Variants in ARL15 observed in about 807,000 individuals in gnomAD.
The protein encoded by ARL15 is ARF like GTPase 15.
In ARL15, 19 loss-of-function variants were observed where a neutral mutation model predicts 25.2. That is an observed-to-expected ratio of 0.75 (90% CI 0.53 to 1.10). The LOEUF is 1.10. Ranked by LOEUF, ARL15 falls within the 50% of genes least tolerant of loss-of-function variation. The probability of loss-of-function intolerance (pLI) is 0.00; values close to 1 mark genes in which losing one functional copy is unlikely to be tolerated. For missense variants in ARL15, 220 were observed against 246.0 expected (o/e 0.89, Z 0.71); for synonymous variants, 94 against 86.8 (o/e 1.08, Z -0.46).
intron 1 of ARL15, among the ~76,000 whole-genome samples, chr5:54,198,465 A>C (rs942787041): frequency 2.0e-5 from 3 of 150,268 alleles, no homozygotes; most frequent in Non-Finnish European, 3.0e-5. Flanking sequence ...ATACAAAATC[A>C]ATGTACAAAA....
chr5:54,136,281 T>A (rs908288093), intron 3 of ARL15, among the ~76,000 whole-genome samples: 4 of 151,972 alleles, frequency 2.6e-5, no homozygotes, highest in Non-Finnish European at 5.9e-5. Flanking sequence ...TCAAATACCT[T>A]CAATAGCCAG....
intron 1 of ARL15, among the ~76,000 whole-genome samples, chr5:54,296,862 T>C (rs1277590570): frequency 3.3e-5 from 5 of 152,192 alleles, no homozygotes; most frequent in African/African-American, 1.2e-4. Flanking sequence ...CCCTCTTTCC[T>C]AACGAGTTCT....
rs551569274 is a variant in ARL15, at chr5:54,277,070, C to T, written c.48+33362G>A. ...AAATACAGTGTCCTTACATGTAGCA[C>T]TGTATATTGTAATAACCCAATTGAA... On this transcript the variant is annotated intron_variant, in intron 1 of 4. Transcript: ENST00000504924. 3.9e-5 allele frequency among the ~76,000 whole-genome samples: 6 copies of T among 152,256 alleles called. No individual in the cohort carries two copies. In the East Asian group the frequency reaches 1.2e-3, roughly 29 times the overall value.
chr5:53,920,374 T>C (rs945054301), intron 4 of ARL15, among the ~76,000 whole-genome samples: 1 of 152,288 alleles, frequency 6.6e-6, no homozygotes, highest in East Asian at 1.9e-4. Flanking sequence ...TATGTTCTTG[T>C]CATTTTGTTA....
intron 4 of ARL15, among the ~76,000 whole-genome samples, chr5:53,905,962 T>G (rs1253032716): frequency 6.6e-6 from 1 of 152,192 alleles, no homozygotes; most frequent in Non-Finnish European, 1.5e-5. Context: ...TTTGTAAATT[T>G]TAGGTGCCTA....
In ARL15 at chr5:54,203,386, A is replaced by T. The variant is rs553693921; in HGVS notation, c.49-31458T>A. Among the ~76,000 whole-genome samples, 16 of 152,292 alleles carry T rather than the reference A, an allele frequency of 1.1e-4. No homozygotes were observed. In the South Asian group the frequency reaches 3.1e-3, roughly 30 times the overall value. On this transcript the variant is annotated intron_variant, in intron 1 of 4. Transcript: ENST00000504924. ...TATCGCCAAGAATATCGACTTTTTT[A>T]AAAACAAAATACTTCGCAGCATCAC...
At chr5:54,135,496 TA>T (rs1753574193) in intron 3 of ARL15, among the ~76,000 whole-genome samples, 1 of 152,230 alleles carries the variant, frequency 6.6e-6, no homozygotes, top group Non-Finnish European at 1.5e-5. Flanking sequence ...ACATGACACC[TA>T]AATTCATGTT....
At chr5:54,183,857 C>A (rs1194834221) in intron 1 of ARL15, among the ~76,000 whole-genome samples, 1 of 150,932 alleles carries the variant, frequency 6.6e-6, no homozygotes, top group Non-Finnish European at 1.5e-5. Context: ...ACCCAAATGT[C>A]CAACAATGAT....
At chr5:54,275,763 C>T (rs1032130937) in intron 1 of ARL15, among the ~76,000 whole-genome samples, 1 of 151,686 alleles carries the variant, frequency 6.6e-6, no homozygotes, top group African/African-American at 2.4e-5. Flanking sequence ...CGGCTTACTG[C>T]AAGCTCTGCC....
At chr5:53,950,582 T>G (rs1465823050) in intron 4 of ARL15, among the ~76,000 whole-genome samples, 1 of 152,194 alleles carries the variant, frequency 6.6e-6, no homozygotes, top group Non-Finnish European at 1.5e-5. Context: ...ACTCATGCTC[T>G]ATCACTACCC....
chr5:54,019,353 G>A (rs912236669), intron 4 of ARL15, among the ~76,000 whole-genome samples: 1 of 152,028 alleles, frequency 6.6e-6, no homozygotes, highest in Non-Finnish European at 1.5e-5. Context: ...TAATTCTCTG[G>A]TAGTTTTTAT....
At chr5:53,915,157 C>T (rs907556869) in intron 4 of ARL15, among the ~76,000 whole-genome samples, 2 of 152,210 alleles carry the variant, frequency 1.3e-5, no homozygotes, top group South Asian at 2.1e-4. Context: ...CTTGTCCTTG[C>T]CTTCTGAGCA....
chr5:54,068,976 C>T (rs58000709), intron 4 of ARL15, among the ~76,000 whole-genome samples: 28,523 of 152,036 alleles, frequency 0.19, 3,613 homozygotes, highest in African/African-American at 0.36. Context: ...ACATGCTTAA[C>T]AAATGTTTGC....
At chr5:54,022,077 T>C (rs775532744) in intron 4 of ARL15, among the ~76,000 whole-genome samples, 7 of 152,022 alleles carry the variant, frequency 4.6e-5, no homozygotes, top group Non-Finnish European at 1.0e-4. Context: ...AATTGAGACA[T>C]ACTCAGACGA....
At chr5:54,296,714 G>C (rs1579990722) in intron 1 of ARL15, among the ~76,000 whole-genome samples, 2 of 152,368 alleles carry the variant, frequency 1.3e-5, no homozygotes, top group South Asian at 2.1e-4. Flanking sequence ...GCAGGGGCTG[G>C]ATTTCAGCCC....
At chr5:54,066,584 G>T (rs1014973671) in intron 4 of ARL15, among the ~76,000 whole-genome samples, 2 of 152,128 alleles carry the variant, frequency 1.3e-5, no homozygotes, top group Non-Finnish European at 2.9e-5. Flanking sequence ...GTGGGGTGGG[G>T]ACTTTGATCC....
At chr5:54,070,906 T>C (rs1296547501) in intron 4 of ARL15, among the ~76,000 whole-genome samples, 2 of 152,078 alleles carry the variant, frequency 1.3e-5, no homozygotes, top group Non-Finnish European at 2.9e-5. Flanking sequence ...CAATGGCTCA[T>C]GTCTGTAATC....
intron 1 of ARL15, among the ~76,000 whole-genome samples, chr5:54,257,883 G>C (rs902074524): frequency 1.3e-5 from 2 of 152,020 alleles, no homozygotes; most frequent in Non-Finnish European, 2.9e-5. Context: ...TATAAACACA[G>C]GAGTATTGAC....
At chr5:54,029,437 C>G (rs1749903774) in intron 4 of ARL15, among the ~76,000 whole-genome samples, 1 of 143,794 alleles carries the variant, frequency 7.0e-6, no homozygotes, top group African/African-American at 2.6e-5. Flanking sequence ...AGTTTACAAT[C>G]TCAATTTGCA....
Sources: allele counts gnomAD v4.1 joint callset (sites outside exome capture counted in the v4.1 genomes callset), GRCh38; gene constraint gnomAD v4.1.1; transcripts MANE v1.5; gene names NCBI Gene and HGNC (gene_info 2026-07-23, HGNC 2026-07-21).